Variants in DMD observed in about 807,000 individuals in gnomAD.
The protein encoded by DMD is dystrophin.
DMD carries 63 observed loss-of-function variants against 330.1 expected under a neutral mutation model. That is an observed-to-expected ratio of 0.19 (90% CI 0.16 to 0.24). The LOEUF (loss-of-function observed/expected upper bound fraction) is 0.24, where lower values mean the gene tolerates loss of function less well. Ranked by LOEUF, DMD falls within the 10% of genes least tolerant of loss-of-function variation. DMD has a pLI of 1.00. For missense variants in DMD, 3,344 were observed against 2,684.1 expected, an observed-to-expected ratio of 1.25 and a Z score of -5.43; for synonymous variants, 1,223 against 959.8, an observed-to-expected ratio of 1.27 and a Z score of -5.07.
intron 57 of DMD, among the ~76,000 whole-genome samples, chrX:31,487,753 T>C (rs1383995197): frequency 1.8e-5 from 2 of 111,884 alleles, no homozygotes; most frequent in East Asian, 2.8e-4. Flanking sequence ...AAAGTGAAGA[T>C]AAGGGATTGA....
At chrX:31,630,609 A>C (rs760209749) in intron 54 of DMD, among the ~76,000 whole-genome samples, 1 of 111,753 alleles carries the variant, frequency 8.9e-6, no homozygotes, top group Admixed American at 9.6e-5. Flanking sequence ...TGTATCATAT[A>C]GTTTTAAATT....
intron 60 of DMD, among the ~76,000 whole-genome samples, chrX:31,398,982 C>T (rs912497140): frequency 1.8e-5 from 2 of 108,908 alleles, no homozygotes; most frequent in Non-Finnish European, 3.8e-5. Context: ...GAACACCGTA[C>T]GGGCCCTGCA....
chrX:32,808,191 G>A (rs759486537), intron 7 of DMD, among the ~76,000 whole-genome samples: 1 of 111,638 alleles, frequency 9.0e-6, no homozygotes, highest in African/African-American at 3.2e-5. Flanking sequence ...ATACTATCGT[G>A]TATAGAAGCA....
At chrX:31,524,994 C>T (rs993114787) in intron 55 of DMD, among the ~76,000 whole-genome samples, 2 of 112,092 alleles carry the variant, frequency 1.8e-5, no homozygotes, top group Non-Finnish European at 3.8e-5. Flanking sequence ...TTCTTCTTCA[C>T]TGTAAAATCA....
intron 7 of DMD, among the ~76,000 whole-genome samples, chrX:32,785,203 TA>T (rs550668969): frequency 8.5e-4 from 85 of 99,659 alleles, no homozygotes; most frequent in Admixed American, 1.3e-3. Flanking sequence ...ATAAAAGCAT[TA>T]AAAAAAAAAA....
At chrX:32,935,042 G>A (rs1200330356) in intron 2 of DMD, among the ~76,000 whole-genome samples, 2 of 112,988 alleles carry the variant, frequency 1.8e-5, no homozygotes, top group South Asian at 3.6e-4. Flanking sequence ...GCAGTGGCGC[G>A]ATCTCGGCTC....
chrX:32,167,505 A>G lies in DMD; in HGVS notation c.6438+49411T>C, dbSNP rs191097736. Among the ~76,000 whole-genome samples the G allele has an allele frequency of 3.5e-4, 39 of 112,199 alleles. 1 individual carries two copies. The highest frequency in any genetic ancestry group is 1.2e-3 in the African/African-American group (38 of 30,948). On this transcript the variant is annotated intron_variant, in intron 44 of 78. Transcript: ENST00000357033. The stretch of plus-strand genomic sequence containing the variant: ...ACCAGGATTGTTTTAGGATTAAAGG[A>G]GATAAGTCTTCAGCACAGACTTAGT...
At chrX:32,365,629 T>C (rs1408265744) in intron 34 of DMD, among the ~76,000 whole-genome samples, 2 of 111,448 alleles carry the variant, frequency 1.8e-5, no homozygotes, top group South Asian at 7.4e-4. Flanking sequence ...TTGGCATCTG[T>C]TGAAGCTTAA....
intron 7 of DMD, among the ~76,000 whole-genome samples, chrX:32,738,995 T>C (rs2068883291): frequency 8.9e-6 from 1 of 111,943 alleles, no homozygotes; most frequent in African/African-American, 3.2e-5. Context: ...ACTTCAGGCA[T>C]AGAGAATAAC....
At chrX:32,669,974 C>T (rs902386366) in intron 9 of DMD, among the ~76,000 whole-genome samples, 3 of 111,442 alleles carry the variant, frequency 2.7e-5, no homozygotes, top group Non-Finnish European at 3.8e-5. Flanking sequence ...AATGAACTGA[C>T]GATTCGTGCT....
intron 16 of DMD, among the ~76,000 whole-genome samples, chrX:32,556,368 A>G (rs946521719): frequency 9.0e-6 from 1 of 111,457 alleles, no homozygotes; most frequent in Non-Finnish European, 1.9e-5. Flanking sequence ...TCTTGGTGGG[A>G]GTGTAAATTA....
rs374438078 is a variant in DMD at position 33,181,510 on chromosome X, C to G, written c.31+29772G>C. On this transcript the variant is annotated intron_variant, in intron 1 of 78. Coordinates refer to ENST00000357033, the MANE Select transcript of DMD (RefSeq NM_004006.3). ...GGAGGTAGCATGATGTGGTGGATAA[C>G]AGCAAGGGATAGGGAAGGAGAAAGT... 3.6e-4 allele frequency among the ~76,000 whole-genome samples: 40 copies of G among 111,605 alleles called. 1 individual carries two copies. The South Asian group carries it at 6.0e-3, about 17-fold the overall frequency.
intron 1 of DMD, among the ~76,000 whole-genome samples, chrX:33,129,410 C>T (rs2095485514): frequency 1.2e-5 from 1 of 82,973 alleles, no homozygotes; most frequent in Non-Finnish European, 2.2e-5. Context: ...TTATTTAATG[C>T]GACCAAAAGC....
At chrX:31,830,815 C>T (rs1213858547) in intron 49 of DMD, among the ~76,000 whole-genome samples, 1 of 111,367 alleles carries the variant, frequency 9.0e-6, no homozygotes, top group East Asian at 2.8e-4. Context: ...TAGGCAGACA[C>T]AAGGCCACCC....
At chrX:32,602,477 G>C (rs1165238357) in intron 12 of DMD, among the ~76,000 whole-genome samples, 4 of 111,861 alleles carry the variant, frequency 3.6e-5, no homozygotes, top group Non-Finnish European at 7.6e-5. Context: ...GCAGAGCACA[G>C]AGGAAATGCT....
At chrX:33,218,920 G>A (rs1353308458) in intron 1 of DMD, among the ~76,000 whole-genome samples, 1 of 110,604 alleles carries the variant, frequency 9.0e-6, no homozygotes, top group African/African-American at 3.3e-5. Flanking sequence ...TTTTGATTAC[G>A]ATATTTTTAG....
chrX:32,284,536 C>A (rs1442984397), intron 43 of DMD, among the ~76,000 whole-genome samples: 1 of 111,888 alleles, frequency 8.9e-6, no homozygotes, highest in Non-Finnish European at 1.9e-5. Context: ...AATTGCCAAC[C>A]TTAACTGAGC....
chrX:31,314,754 G>GAGAGAGAGAGAA (rs965081754), intron 62 of DMD, among the ~76,000 whole-genome samples: 1 of 103,638 alleles, frequency 9.6e-6, no homozygotes, highest in Non-Finnish European at 2.0e-5. Flanking sequence ...GAGAGAGAGA[G>GAGAGAGAGAGAA]AGAGAGAGAG....
chrX:31,762,656 C>T (rs1434511440), intron 51 of DMD, among the ~76,000 whole-genome samples: 3 of 111,769 alleles, frequency 2.7e-5, no homozygotes, highest in South Asian at 3.7e-4. Flanking sequence ...TTGGGACATA[C>T]GGTTTTGGAG....
Sources: allele counts gnomAD v4.1 joint callset (sites outside exome capture counted in the v4.1 genomes callset), GRCh38; gene constraint gnomAD v4.1.1; transcripts MANE v1.5; gene names NCBI Gene and HGNC (gene_info 2026-07-23, HGNC 2026-07-21).